The following RCAN2 variants were observed in gnomAD, a reference collection of about 807,000 sequenced individuals.
RCAN2 encodes regulator of calcineurin 2.
RCAN2 carries 9 observed loss-of-function variants against 23.6 expected under a neutral mutation model. The observed-to-expected ratio is 0.38, with a 90% CI of 0.23 to 0.67. RCAN2 has a LOEUF of 0.67. RCAN2 is among the 30% of genes least tolerant of loss of function. The probability of loss-of-function intolerance (pLI) is 0.51; values close to 1 mark genes in which losing one functional copy is unlikely to be tolerated. For synonymous variants in RCAN2, 109 were observed against 115.7 expected (o/e 0.94, Z 0.37); for missense variants, 273 against 302.3 (o/e 0.90, Z 0.72).
chr6:46,314,030 T>A (rs923564597), intron 2 of RCAN2, among the ~76,000 whole-genome samples: 1 of 152,192 alleles, frequency 6.6e-6, no homozygotes, highest in Non-Finnish European at 1.5e-5. Context: ...TTTTTCTTTT[T>A]GTTTTTTAGT....
At chr6:46,265,070 C>A (rs1561834831) in intron 2 of RCAN2, among the ~76,000 whole-genome samples, 1 of 152,146 alleles carries the variant, frequency 6.6e-6, no homozygotes, top group Non-Finnish European at 1.5e-5. Context: ...GTGGGATGGA[C>A]ACGTCTTTTG....
At chr6:46,255,797 G>C (rs1766891857) in intron 2 of RCAN2, among the ~76,000 whole-genome samples, 2 of 152,144 alleles carry the variant, frequency 1.3e-5, no homozygotes, top group Non-Finnish European at 2.9e-5. Flanking sequence ...TTCAACTGGA[G>C]GGCAGGGGCT....
intron 2 of RCAN2, among the ~76,000 whole-genome samples, chr6:46,385,295 A>G (rs938631669): frequency 6.6e-6 from 1 of 152,200 alleles, no homozygotes; most frequent in African/African-American, 2.4e-5. Context: ...GCATTCTACA[A>G]TACACCAAGG....
At chr6:46,346,656 C>T (rs1405168748) in intron 2 of RCAN2, among the ~76,000 whole-genome samples, 1 of 151,850 alleles carries the variant, frequency 6.6e-6, no homozygotes, top group East Asian at 1.9e-4. Context: ...ATAGTCAGAT[C>T]CTGTTATATG....
intron 2 of RCAN2, among the ~76,000 whole-genome samples, chr6:46,407,300 A>G (rs1766430597): frequency 6.6e-6 from 1 of 152,258 alleles, no homozygotes; most frequent in Non-Finnish European, 1.5e-5. Flanking sequence ...AATCAAGAGC[A>G]GTATATACTG....
intron 2 of RCAN2, among the ~76,000 whole-genome samples, chr6:46,312,941 C>A (rs78560432): frequency 6.6e-6 from 1 of 152,198 alleles, no homozygotes; most frequent in African/African-American, 2.4e-5. Context: ...TGAGCCACTC[C>A]TCTGCTGAAC....
rs115897167 is a variant in RCAN2 at position 46,413,971 on chromosome 6, C to T, written c.225+42781G>A. On this transcript the variant is annotated intron_variant, in intron 2 of 4. Transcript: ENST00000371374. Reference sequence around the variant, plus strand: ...AGCAAGACCACGGCCCCCAGCCACCCGGCTCTCAGAATAGGTAACTAAATG... The same window carrying T: ...AGCAAGACCACGGCCCCCAGCCACCTGGCTCTCAGAATAGGTAACTAAATG... Among the ~76,000 whole-genome samples, 1,047 of 152,158 alleles carry T rather than the reference C, an allele frequency of 6.9e-3. 13 individuals are homozygous for T. The highest frequency in any genetic ancestry group is 0.023 in the African/African-American group (936 of 41,490).
At chr6:46,424,529 G>C (rs1766980741) in intron 2 of RCAN2, among the ~76,000 whole-genome samples, 1 of 152,018 alleles carries the variant, frequency 6.6e-6, no homozygotes, top group Admixed American at 6.6e-5. Context: ...ATCAGATTCT[G>C]CTTGTCTGCA....
chr6:46,377,621 C>T (rs189753096), intron 2 of RCAN2, among the ~76,000 whole-genome samples: 1 of 152,314 alleles, frequency 6.6e-6, no homozygotes, highest in Non-Finnish European at 1.5e-5. Context: ...TTTGCCCTAT[C>T]AATACTATTT....
intron 2 of RCAN2, among the ~76,000 whole-genome samples, chr6:46,420,033 A>G (rs1335784923): frequency 3.3e-5 from 5 of 152,194 alleles, no homozygotes; most frequent in African/African-American, 9.7e-5. Context: ...CTCGCAGACA[A>G]GACTTAAATT....
At chr6:46,489,319 A>G (rs1769075502) in intron 1 of RCAN2, among the ~76,000 whole-genome samples, 1 of 152,200 alleles carries the variant, frequency 6.6e-6, no homozygotes, top group African/African-American at 2.4e-5. Flanking sequence ...TTGAATCATT[A>G]CCATTTATTT....
chr6:46,373,374 C>T, intron 2 of RCAN2, among the ~76,000 whole-genome samples: 1 of 152,128 alleles, frequency 6.6e-6, no homozygotes, highest in East Asian at 1.9e-4. Flanking sequence ...CAGTGATTCT[C>T]ATGGCTCAGC....
chr6:46,366,975 C>A (rs1379953510), intron 2 of RCAN2, among the ~76,000 whole-genome samples: 2 of 135,044 alleles, frequency 1.5e-5, no homozygotes, highest in Admixed American at 1.6e-4. Flanking sequence ...AACTCCCCAC[C>A]CACTTGAAGG....
At chr6:46,435,598 A>G (rs1767341192) in intron 2 of RCAN2, among the ~76,000 whole-genome samples, 1 of 152,224 alleles carries the variant, frequency 6.6e-6, no homozygotes, top group Admixed American at 6.5e-5. Flanking sequence ...AGCAAGAATG[A>G]AGCACCCGCA....
chr6:46,482,629 TA>T (rs1768895059), intron 1 of RCAN2, among the ~76,000 whole-genome samples: 1 of 152,208 alleles, frequency 6.6e-6, no homozygotes, highest in Non-Finnish European at 1.5e-5. Context: ...GTCATAAAAT[TA>T]CCTAGGATTA....
chr6:46,331,986 G>A (rs1450169304), intron 2 of RCAN2, among the ~76,000 whole-genome samples: 1 of 152,182 alleles, frequency 6.6e-6, no homozygotes, highest in Admixed American at 6.5e-5. Context: ...ACCAGAAAGA[G>A]TTTAAGATTT....
intron 2 of RCAN2, among the ~76,000 whole-genome samples, chr6:46,456,278 C>T (rs1490795956): frequency 6.6e-6 from 1 of 152,202 alleles, no homozygotes; most frequent in Non-Finnish European, 1.5e-5. Flanking sequence ...AACTTACCTT[C>T]TCTAATATCT....
At chr6:46,234,270 C>T (rs1766010941) in intron 4 of RCAN2, among the ~76,000 whole-genome samples, 1 of 152,200 alleles carries the variant, frequency 6.6e-6, no homozygotes, top group Admixed American at 6.5e-5. Context: ...CACTTTCTTA[C>T]TATCGAAAGC....
chr6:46,378,133 G>A (rs1199282563), intron 2 of RCAN2, among the ~76,000 whole-genome samples: 3 of 152,156 alleles, frequency 2.0e-5, no homozygotes, highest in Admixed American at 6.5e-5. Flanking sequence ...TTTGCTAATC[G>A]TGGTGCCAGT....
Sources: gnomAD v4.1 joint callset for allele counts (sites outside exome capture counted in the v4.1 genomes callset) on GRCh38, gnomAD v4.1.1 for gene constraint, MANE v1.5 for transcripts, NCBI Gene and HGNC (gene_info 2026-07-23, HGNC 2026-07-21) for gene names.